The following PDLIM5 variants were observed in gnomAD, a reference collection of about 807,000 sequenced individuals.
PDLIM5 encodes PDZ and LIM domain protein 5.
PDLIM5 carries 34 observed loss-of-function variants against 64.2 expected under a neutral mutation model. That is an observed-to-expected ratio of 0.53 (90% confidence interval 0.40 to 0.71). The LOEUF is 0.71. PDLIM5 is among the 30% of genes least tolerant of loss of function. The pLI, the probability that PDLIM5 is intolerant of heterozygous loss-of-function variation, is 0.00. For missense variants in PDLIM5, 683 were observed against 733.6 expected, an observed-to-expected ratio of 0.93 and a Z score of 0.80; for synonymous variants, 253 against 269.1, an observed-to-expected ratio of 0.94 and a Z score of 0.59.
At chr4:94,468,973 GAC>G (rs1724612240) in intron 2 of PDLIM5, among the ~76,000 whole-genome samples, 1 of 152,208 alleles carries the variant, frequency 6.6e-6, no homozygotes, top group Non-Finnish European at 1.5e-5. Context: ...CATAGGAGAG[GAC>G]ATAAATGTCA....
At chr4:94,579,506 C>A in intron 5 of PDLIM5, 2 of 1,323,668 alleles carry the variant, frequency 1.5e-6, no homozygotes, top group Non-Finnish European at 2.1e-6. Context: ...TTTTAAAATA[C>A]TTTTCTCTTT....
intron 8 of PDLIM5, among the ~76,000 whole-genome samples, chr4:94,635,252 G>C (rs535048658): frequency 6.6e-6 from 1 of 152,336 alleles, no homozygotes; most frequent in East Asian, 1.9e-4. Flanking sequence ...CCAGGGAGTA[G>C]AGATTAGCCA....
intron 3 of PDLIM5, among the ~76,000 whole-genome samples, chr4:94,549,502 G>C (rs1360357543): frequency 2.6e-5 from 4 of 152,100 alleles, no homozygotes; most frequent in Non-Finnish European, 5.9e-5. Flanking sequence ...AATTATTAAA[G>C]CATTAAGAGC....
At chr4:94,522,316 GT>G (rs557745239) in intron 2 of PDLIM5, among the ~76,000 whole-genome samples, 6 of 151,484 alleles carry the variant, frequency 4.0e-5, no homozygotes, top group Non-Finnish European at 7.4e-5. Flanking sequence ...AAATCATTAG[GT>G]TTTTTTTTAA....
intron 2 of PDLIM5, among the ~76,000 whole-genome samples, chr4:94,510,521 C>G (rs571487038): frequency 6.6e-6 from 1 of 152,082 alleles, no homozygotes; most frequent in Non-Finnish European, 1.5e-5. Flanking sequence ...TATACGAAAA[C>G]GCAGACCTTT....
chr4:94,619,513 G>A (rs768482420), intron 8 of PDLIM5, among the ~76,000 whole-genome samples: 33 of 152,070 alleles, frequency 2.2e-4, no homozygotes, highest in Non-Finnish European at 3.4e-4. Flanking sequence ...GGTGGCGGGC[G>A]CCTGTAGTCC....
intron 3 of PDLIM5, among the ~76,000 whole-genome samples, chr4:94,546,504 T>G (rs1327026197): frequency 6.6e-6 from 1 of 152,178 alleles, no homozygotes; most frequent in East Asian, 1.9e-4. Context: ...AGGAAATCTT[T>G]GGAATTTATT....
Position 94,514,336 on chromosome 4 carries a change from A to G in PDLIM5, c.97-9388A>G, listed in dbSNP as rs552759010. 7.2e-5 allele frequency among the ~76,000 whole-genome samples: 11 copies of G among 151,876 alleles called. No homozygotes were observed. The East Asian group carries it at 7.8e-4, about 11-fold the overall frequency. On this transcript the variant is annotated intron_variant, in intron 2 of 12. Transcript: ENST00000317968. ...TTTTTAGTAGAGGCGGGGTTTCACC[A>G]TGTTAGCCAGGATGGTCTCAATCTC...
chr4:94,497,487 T>A (rs1727505796), intron 2 of PDLIM5, among the ~76,000 whole-genome samples: 1 of 152,202 alleles, frequency 6.6e-6, no homozygotes, highest in Non-Finnish European at 1.5e-5. Context: ...ATGATATGAT[T>A]ATTGATTTTA....
rs566582030 is a variant in PDLIM5 at position 94,662,407 on chromosome 4, C to T, written c.1586-15C>T. 2.6e-6 allele frequency: 3 copies of T among 1,134,346 alleles called. No homozygotes were observed. Among genetic ancestry groups the T allele is most frequent in the Admixed American group, 1.7e-5 (1 of 58,892 alleles). The allele number at this position is 1,134,346 out of a possible 1,614,324, so 70.3% of individuals were successfully genotyped here. On this transcript the variant is annotated splice_polypyrimidine_tract_variant and intron_variant, in intron 11 of 12. Coordinates refer to ENST00000317968, the MANE Select transcript of PDLIM5 (RefSeq NM_006457.5). ...TCATGTTTAAATTATGTCTCTCTGC[C>T]CTCCCTTAATACAGATTATTATGCC... is the stretch of plus-strand genomic sequence containing the variant.
intron 3 of PDLIM5, among the ~76,000 whole-genome samples, chr4:94,533,626 ACCACTT>A (rs1731078676): frequency 6.6e-6 from 1 of 152,204 alleles, no homozygotes; most frequent in African/African-American, 2.4e-5. Context: ...GTTTCAGTTA[ACCACTT>A]GTACCTGCCT....
At chr4:94,586,532 T>C in intron 7 of PDLIM5, 88 bp downstream of exon 7, 1 of 750,122 alleles carries the variant, frequency 1.3e-6, no homozygotes, top group Non-Finnish European at 2.3e-6. Flanking sequence ...TATAATGGTA[T>C]GGCATTTCGT....
At chr4:94,510,951 C>G (rs781179058) in intron 2 of PDLIM5, among the ~76,000 whole-genome samples, 4 of 151,984 alleles carry the variant, frequency 2.6e-5, no homozygotes, top group Admixed American at 6.6e-5. Context: ...ATTTGTTGCC[C>G]ACATGAAAAA....
chr4:94,486,818 A>G (rs1224486380), intron 2 of PDLIM5, among the ~76,000 whole-genome samples: 1 of 152,178 alleles, frequency 6.6e-6, no homozygotes, highest in Non-Finnish European at 1.5e-5. Context: ...CCTGGTCAAC[A>G]GAGCAAGACC....
At chr4:94,647,175 A>G (rs1304890777) in intron 9 of PDLIM5, among the ~76,000 whole-genome samples, 2 of 152,202 alleles carry the variant, frequency 1.3e-5, no homozygotes, top group Non-Finnish European at 2.9e-5. Context: ...ATTAAACATA[A>G]ATATATCACA....
chr4:94,475,761 A>G (rs1725267358), intron 2 of PDLIM5, among the ~76,000 whole-genome samples: 1 of 152,174 alleles, frequency 6.6e-6, no homozygotes, highest in African/African-American at 2.4e-5. Context: ...AATGGTTAAG[A>G]TGGTTAAAAA....
intron 3 of PDLIM5, among the ~76,000 whole-genome samples, chr4:94,572,990 C>G (rs749078212): frequency 2.6e-5 from 4 of 152,140 alleles, no homozygotes; most frequent in Non-Finnish European, 5.9e-5. Context: ...TGAGGAGCCA[C>G]TCAAAGATCA....
At position 94,622,822 on chromosome 4, in the gene PDLIM5, C is replaced by T. The variant is rs372564150; in HGVS notation, c.1108+4631C>T. Among the ~76,000 whole-genome samples, 12 of 152,152 alleles carry T rather than the reference C, an allele frequency of 7.9e-5. No individual in the cohort carries two copies. The East Asian group carries it at 1.4e-3, about 17-fold the overall frequency. On this transcript the variant is annotated intron_variant, in intron 8 of 12. Coordinates refer to ENST00000317968, the MANE Select transcript of PDLIM5 (RefSeq NM_006457.5). ...AGTAGCTGGGACTACAGGTGCCTGC[C>T]ACCACACCCAGCTAATTTTTGTATT...
intron 1 of PDLIM5, among the ~76,000 whole-genome samples, chr4:94,452,520 A>T (rs1220388288): frequency 6.6e-6 from 1 of 152,230 alleles, no homozygotes; most frequent in Non-Finnish European, 1.5e-5. Flanking sequence ...AGATATTTAC[A>T]GTTTTGTGTA....
Sources: gnomAD v4.1 joint callset for allele counts (sites outside exome capture counted in the v4.1 genomes callset) on GRCh38, gnomAD v4.1.1 for gene constraint, MANE v1.5 for transcripts, NCBI Gene and HGNC (gene_info 2026-07-23, HGNC 2026-07-21) for gene names.